SAFB: variants seen among roughly 807,000 people sequenced by gnomAD.
SAFB encodes scaffold attachment factor B.
A neutral mutation model predicts 101.6 loss-of-function variants in SAFB; 15 were observed. The observed-to-expected ratio is 0.15, with a 90% CI of 0.10 to 0.23. SAFB has a LOEUF of 0.23. Ranked by LOEUF, SAFB falls within the 10% of genes least tolerant of loss-of-function variation. The probability of loss-of-function intolerance (pLI) is 1.00; values close to 1 mark genes in which losing one functional copy is unlikely to be tolerated. For synonymous variants in SAFB, 449 were observed against 407.5 expected, an observed-to-expected ratio of 1.10 and a Z score of -1.23; for missense variants, 930 against 1,104.1, an observed-to-expected ratio of 0.84 and a Z score of 2.23.
At position 5,632,377 on chromosome 19, in the gene SAFB, G is replaced by T. The variant is rs186633899; in HGVS notation, c.274+5888G>T. On this transcript the variant is annotated intron_variant, in intron 2 of 20. Coordinates refer to ENST00000588852, the MANE Select transcript of SAFB (RefSeq NM_001201338.2). ...ATGTATGTTTTTACTAGACCGCATG[G>T]TAAGTTGCAAGGCGCATATGCCCCT... is the stretch of plus-strand genomic sequence containing the variant. 3.3e-3 allele frequency among the ~76,000 whole-genome samples: 504 copies of T among 152,256 alleles called. 3 individuals are homozygous for T. Among genetic ancestry groups the T allele is most frequent in the African/African-American group, 0.012 (479 of 41,534 alleles).
intron 13 of SAFB, among the ~76,000 whole-genome samples, chr19:5,655,482 A>G (rs889851855): frequency 2.0e-5 from 3 of 147,924 alleles, no homozygotes; most frequent in African/African-American, 7.5e-5. Context: ...AAAAAAAAAC[A>G]CACACCTATT....
Position 5,667,193 on chromosome 19 carries a change from ACC to A in SAFB, c.2453+38_2453+39del, listed in dbSNP as rs148831822. On this transcript the variant is annotated intron_variant, in intron 18 of 20. Transcript: ENST00000588852. The surrounding 1 kb of genome is among the most constrained non-coding windows in gnomAD (Gnocchi z 4.0). ...TGTGTCCCACACCCGACAGTACCTG[ACC>A]CCCCCCCCGCCCACAAGGGGGCCCG... is the stretch of plus-strand genomic sequence containing the variant. 5.1e-5 allele frequency: 56 copies of A among 1,095,408 alleles called. No homozygotes were observed. Among genetic ancestry groups the A allele is most frequent in the Admixed American group, 1.4e-4 (5 of 36,612 alleles). The allele number at this position is 1,095,408 out of a possible 1,614,324, so 67.9% of individuals were successfully genotyped here. A position where few individuals can be genotyped will look rare whatever the true frequency, so the allele number is the denominator to read the frequency against.
chr19:5,658,741 G>C (rs1012426402), intron 14 of SAFB, among the ~76,000 whole-genome samples: 1 of 151,992 alleles, frequency 6.6e-6, no homozygotes, highest in African/African-American at 2.4e-5. Flanking sequence ...TACTCGGTAG[G>C]CTGAGGCAGG....
intron 16 of SAFB, 32 bp from the exon 17 acceptor site, chr19:5,664,365 C>T (rs1177072814): frequency 6.3e-7 from 1 of 1,596,710 alleles, no homozygotes; most frequent in South Asian, 1.1e-5. Flanking sequence ...CCTCTTCTTC[C>T]CCTTACGGTT....
intron 13 of SAFB, 78 bp from the exon 14 acceptor site, chr19:5,657,163 T>G: frequency 9.5e-7 from 1 of 1,047,974 alleles, no homozygotes; most frequent in South Asian, 1.4e-5. Flanking sequence ...CCCTGAACTT[T>G]GAAAGTGCTT....
intron 15 of SAFB, 135 bp from the exon 16 acceptor site, chr19:5,663,887 T>C: frequency 1.1e-6 from 1 of 929,094 alleles, no homozygotes. Context: ...AATCAGACCT[T>C]GCCTCCTATA....
chr19:5,660,937 C>CTTTT lies in SAFB; in HGVS notation c.1863-558_1863-555dup, dbSNP rs35511041. Among the ~76,000 whole-genome samples, 11 of 38,048 alleles carry CTTTT rather than the reference C, an allele frequency of 2.9e-4. 1 individual carries two copies. The highest frequency in any genetic ancestry group is 1.9e-3 in the South Asian group (1 of 530). 25.0% of individuals were successfully genotyped at this position (38,048 alleles called of 152,430 possible). On this transcript the variant is annotated intron_variant, in intron 14 of 20. Coordinates refer to ENST00000588852, the MANE Select transcript of SAFB (RefSeq NM_001201338.2). ...TCGCTATGAAGCATATACTCTGTGG[C>CTTTT]TTTTTTTTTTTTTTTTTTTTTTTTT... is the stretch of plus-strand genomic sequence containing the variant.
chr19:5,661,884 GA>G (rs1418567701), intron 15 of SAFB, 76 bp downstream of exon 15: 17 of 965,982 alleles, frequency 1.8e-5, no homozygotes, highest in African/African-American at 3.4e-5. Context: ...GTTAGCTTGA[GA>G]TTTTTTTTTT....
At chr19:5,662,776 G>T (rs1219593930) in intron 15 of SAFB, among the ~76,000 whole-genome samples, 1 of 150,892 alleles carries the variant, frequency 6.6e-6, no homozygotes, top group Admixed American at 6.6e-5. Context: ...TAGTATTCGA[G>T]ATTACAGGCA....
In SAFB at chr19:5,667,412, A is replaced by C. The variant is rs1466892323; in HGVS notation, c.2519A>C (p.Asp840Ala). 19 of 1,517,554 alleles carry C rather than the reference A, an allele frequency of 1.3e-5. No homozygotes were observed. Among genetic ancestry groups the C allele is most frequent in the African/African-American group, 2.8e-5 (2 of 70,540 alleles). The allele number at this position is 1,517,554 out of a possible 1,614,324, so 94.0% of individuals were successfully genotyped here. The change falls in exon 19 of 21, where the codon GAC (aspartate) becomes GCC (alanine). Residue 840 changes from aspartate to alanine, a missense_variant. This residue lies in a region of SAFB where 318 missense variants were observed against 342.6 expected (regional missense o/e 0.93). Transcript: ENST00000588852. The surrounding 1 kb of genome is among the most constrained non-coding windows in gnomAD (Gnocchi z 4.0). ...GACCGGTCATGGCAGGGCACGGCCG[A>C]CGGGGGCATGATGGACAGGGATCAC... Reference protein sequence around the residue: ...EDDRSWQGTADGGMMDRDHKR... With the variant: ...EDDRSWQGTAAGGMMDRDHKR...
intron 9 of SAFB, 53 bp downstream of exon 9, chr19:5,651,125 C>A: frequency 8.6e-7 from 1 of 1,158,340 alleles, no homozygotes; most frequent in Non-Finnish European, 1.3e-6. Context: ...CGTTGTGTGG[C>A]CTTTACATGG....
At chr19:5,637,836 G>C (rs1044503324) in intron 2 of SAFB, among the ~76,000 whole-genome samples, 1 of 152,208 alleles carries the variant, frequency 6.6e-6, no homozygotes, top group African/African-American at 2.4e-5. Context: ...AACATGAAAT[G>C]ATGCTACATT....
intron 1 of SAFB, among the ~76,000 whole-genome samples, chr19:5,623,740 C>T (rs2053257637): frequency 6.6e-6 from 1 of 151,856 alleles, no homozygotes; most frequent in Admixed American, 6.6e-5. Context: ...ACTTCCCAGG[C>T]GAGGGGAAGG....
rs374532404 is a variant in SAFB at position 5,650,002 on chromosome 19, C to T, written c.1198+27C>T. ...TAGGTCACCTCGGCGACACCAGTCC[C>T]TTGGAGCATGTATGGCCTGGGCAGT... On this transcript the variant is annotated intron_variant, in intron 8 of 20. Coordinates refer to ENST00000588852, the MANE Select transcript of SAFB (RefSeq NM_001201338.2). 3 of 1,593,874 alleles carry T rather than the reference C, an allele frequency of 1.9e-6. No homozygotes were observed. In the South Asian group the frequency reaches 3.3e-5, roughly 18 times the overall value.
chr19:5,626,699 G>A (rs144682939), intron 2 of SAFB, among the ~76,000 whole-genome samples: 7 of 152,278 alleles, frequency 4.6e-5, no homozygotes, highest in Non-Finnish European at 7.4e-5. Flanking sequence ...GATGGAAGGA[G>A]TATTTGTCCT....
At chr19:5,652,988 C>A in intron 9 of SAFB, 127 bp from the exon 10 acceptor site, 1 of 867,358 alleles carries the variant, frequency 1.2e-6, no homozygotes, top group Non-Finnish European at 1.8e-6. Context: ...GCATTAGTAG[C>A]ATTGTCCTCC....
At chr19:5,642,167 T>A in intron 4 of SAFB, 2 of 592,560 alleles carry the variant, frequency 3.4e-6, no homozygotes, top group Non-Finnish European at 6.3e-6. Context: ...GCATACAGTA[T>A]GAGACATTTT....
In SAFB at chr19:5,667,742, A is replaced by T; in HGVS notation, c.2558-78A>T. On this transcript the variant is annotated intron_variant, in intron 19 of 20. Transcript: ENST00000588852. The surrounding 1 kb of genome is among the most constrained non-coding windows in gnomAD (Gnocchi z 4.0). ...GGTACCTGGGGGCCTCACCAAAGGG[A>T]GTGGAGTGGGCTAAATGTGCCGTGG... 1 of 1,431,442 alleles carries T rather than the reference A, an allele frequency of 7.0e-7. No homozygotes were observed. The highest frequency in any genetic ancestry group is 2.3e-5 in the East Asian group (1 of 43,062). 88.7% of individuals were successfully genotyped at this position (1,431,442 alleles called of 1,614,324 possible).
chr19:5,656,150 ATT>A (rs2054053947), intron 13 of SAFB, among the ~76,000 whole-genome samples: 1 of 152,232 alleles, frequency 6.6e-6, no homozygotes, highest in Admixed American at 6.5e-5. Flanking sequence ...ACTAAAAGTT[ATT>A]CATCACATAG....
Sources: allele counts gnomAD v4.1 joint callset (sites outside exome capture counted in the v4.1 genomes callset), GRCh38; gene constraint gnomAD v4.1.1; regional missense constraint gnomAD v4.1.1; non-coding constraint Gnocchi (gnomAD v3.1); transcripts MANE v1.5; gene names NCBI Gene and HGNC (gene_info 2026-07-23, HGNC 2026-07-21).